UHRF1: variants seen among roughly 807,000 people sequenced by gnomAD.
UHRF1 encodes the protein E3 ubiquitin-protein ligase UHRF1.
A neutral mutation model predicts 96.5 loss-of-function variants in UHRF1; 9 were observed. That is an observed-to-expected ratio of 0.09 (90% confidence interval 0.06 to 0.16). The LOEUF (loss-of-function observed/expected upper bound fraction) is 0.16, where lower values mean the gene tolerates loss of function less well. Ranked by LOEUF, UHRF1 falls within the 10% of genes least tolerant of loss-of-function variation. The pLI, the probability that UHRF1 is intolerant of heterozygous loss-of-function variation, is 1.00. For synonymous variants in UHRF1, 455 were observed against 469.9 expected, an observed-to-expected ratio of 0.97 and a Z score of 0.41; for missense variants, 626 against 1,131.1, an observed-to-expected ratio of 0.55 and a Z score of 6.40.
At chr19:4,929,145 T>C in intron 2 of UHRF1, 77 bp from the exon 3 acceptor site, 1 of 1,541,656 alleles carries the variant, frequency 6.5e-7, no homozygotes. Context: ...ACACAGTGTT[T>C]GGTTCATCAC....
intron 16 of UHRF1, among the ~76,000 whole-genome samples, chr19:4,957,918 G>T (rs531468104): frequency 6.6e-6 from 1 of 152,330 alleles, no homozygotes; most frequent in South Asian, 2.1e-4. Context: ...CGGTGGACAG[G>T]TGTGGAAGGG....
intron 2 of UHRF1, among the ~76,000 whole-genome samples, chr19:4,917,111 G>GTTGTTTTTTTTTTTT (rs1568408733): frequency 1.3e-5 from 1 of 77,190 alleles, no homozygotes; most frequent in Non-Finnish European, 2.3e-5. Flanking sequence ...TTAAGTTTTC[G>GTTGTTTTTTTTTTTT]TTTTTTTTTT....
In UHRF1 at chr19:4,941,921, G is replaced by A. The variant is rs947226717; in HGVS notation, c.1063G>A (p.Glu355Lys). The A allele has an allele frequency of 4.0e-6, 6 of 1,515,190 alleles. No homozygotes were observed. The highest frequency in any genetic ancestry group is 5.3e-6 in the Non-Finnish European group (6 of 1,131,108). The allele number at this position is 1,515,190 out of a possible 1,614,324, so 93.9% of individuals were successfully genotyped here. The part of the protein sequence containing the change: ...LDPPLSSVPS[E>K]DEWYCPECRN... ...CCCGCCCCTCAGCAGTGTTCCCAGCGAGGACGAGTGGTGAGTGCGGCCCTG... is the reference window on the plus strand; with the variant it reads ...CCCGCCCCTCAGCAGTGTTCCCAGCAAGGACGAGTGGTGAGTGCGGCCCTG... Residue 355 changes from glutamate to lysine, a missense_variant, in exon 7 of 17, where the codon GAG (glutamate) becomes AAG (lysine). This residue lies in a region of UHRF1 where 69 missense variants were observed against 159.8 expected (regional missense o/e 0.43). Coordinates refer to ENST00000650932, the MANE Select transcript of UHRF1 (RefSeq NM_001048201.3).
chr19:4,910,008 G>T (rs1440562647), intron 1 of UHRF1: 1 of 181,884 alleles, frequency 5.5e-6, no homozygotes, highest in African/African-American at 2.4e-5. Context: ...AGTTCCCCGG[G>T]AGCATCTGGG....
At chr19:4,935,453 T>C (rs1454688271) in intron 5 of UHRF1, among the ~76,000 whole-genome samples, 1 of 152,176 alleles carries the variant, frequency 6.6e-6, no homozygotes, top group African/African-American at 2.4e-5. Context: ...ATGTCTTTAT[T>C]AGCAACATGA....
intron 1 of UHRF1, 81 bp from the exon 2 acceptor site, chr19:4,910,795 G>T: frequency 6.8e-7 from 1 of 1,469,634 alleles, no homozygotes; most frequent in Non-Finnish European, 9.1e-7. Context: ...CCGGACAAAA[G>T]CAACCCCGAC....
exon 1 of UHRF1, chr19:4,903,186 C>T (rs2031983632): frequency 4.1e-6 from 1 of 241,374 alleles, no homozygotes; most frequent in African/African-American, 2.3e-5. Flanking sequence ...GCCAGCATGC[C>T]CAGCTAATTT....
At chr19:4,940,251 C>T (rs1053869220) in intron 5 of UHRF1, among the ~76,000 whole-genome samples, 3 of 151,168 alleles carry the variant, frequency 2.0e-5, no homozygotes, top group African/African-American at 4.9e-5. Flanking sequence ...CTGTTTCCCT[C>T]GGACGTTGCT....
At chr19:4,913,856 A>C (rs1454295933) in intron 2 of UHRF1, among the ~76,000 whole-genome samples, 1 of 132,024 alleles carries the variant, frequency 7.6e-6, no homozygotes, top group Non-Finnish European at 1.5e-5. Context: ...TTATTGCCCA[A>C]GGTGGAGTGC....
chr19:4,909,912 G>T (rs975072235), intron 1 of UHRF1, among the ~76,000 whole-genome samples: 1 of 151,344 alleles, frequency 6.6e-6, no homozygotes, highest in Non-Finnish European at 1.5e-5. Context: ...CTGGCGAGCC[G>T]CCGGGGAGGA....
chr19:4,946,998 TTC>T (rs2145191376), intron 10 of UHRF1, 105 bp from the exon 11 acceptor site: 1 of 846,448 alleles, frequency 1.2e-6, no homozygotes, highest in East Asian at 2.5e-5. Flanking sequence ...GCTTGTTATT[TTC>T]TGTTTCTTTG....
At chr19:4,905,461 AT>A (rs564794778), upstream of UHRF1, among the ~76,000 whole-genome samples, 4,263 of 145,550 alleles carry the variant, frequency 0.029, 190 homozygotes, top group African/African-American at 0.1. Flanking sequence ...TTTTTTTGCA[AT>A]TTTTTTTTTA....
intron 5 of UHRF1, among the ~76,000 whole-genome samples, chr19:4,935,826 G>A (rs2033199366): frequency 6.6e-6 from 1 of 152,160 alleles, no homozygotes; most frequent in Non-Finnish European, 1.5e-5. Flanking sequence ...GTTGCCAGGA[G>A]GTGGGGGTTG....
At chr19:4,948,941 G>A (rs1472235333) in intron 11 of UHRF1, among the ~76,000 whole-genome samples, 2 of 139,928 alleles carry the variant, frequency 1.4e-5, no homozygotes, top group East Asian at 4.1e-4. Flanking sequence ...GGCTAACATG[G>A]TGAAACCCCA....
At chr19:4,960,388 A>G (rs7343109) in intron 16 of UHRF1, among the ~76,000 whole-genome samples, 3,694 of 152,192 alleles carry the variant, frequency 0.024, 145 homozygotes, top group African/African-American at 0.082. Context: ...AGGTGACTTG[A>G]GCTGAGCTGT....
intron 2 of UHRF1, among the ~76,000 whole-genome samples, chr19:4,913,553 C>T (rs1269342368): frequency 6.6e-6 from 1 of 152,030 alleles, no homozygotes; most frequent in African/African-American, 2.4e-5. Context: ...CTGCACCCAG[C>T]CACGTACATT....
At chr19:4,908,108 C>A (rs1440458358), upstream of UHRF1, among the ~76,000 whole-genome samples, 2 of 152,198 alleles carry the variant, frequency 1.3e-5, no homozygotes, top group African/African-American at 4.8e-5. Flanking sequence ...CTTTTAAGGA[C>A]ATTGTGCCCA....
intron 11 of UHRF1, 26 bp from the exon 12 acceptor site, chr19:4,950,585 G>A: frequency 6.2e-7 from 1 of 1,605,792 alleles, no homozygotes; most frequent in Non-Finnish European, 8.5e-7. Flanking sequence ...CACCTATAAT[G>A]CGTGGGGTCC....
At position 4,930,919 on chromosome 19, in the gene UHRF1, T is replaced by A. The variant is rs1754241993; in HGVS notation, c.569+43T>A. 1 of 1,608,616 alleles carries A rather than the reference T, an allele frequency of 6.2e-7. No individual in the cohort carries two copies. The highest frequency in any genetic ancestry group is 8.5e-7 in the Non-Finnish European group (1 of 1,176,470). On this transcript the variant is annotated intron_variant, in intron 4 of 16. Transcript: ENST00000650932. This position sits in a 1 kb window ranked among gnomAD's most constrained non-coding sequence, Gnocchi z 4.4. ...GGCGGGCCTGGGTATTCAGGCTCTG[T>A]GACGCGCATCCTTGGCTGCGGGTGT...
Sources: gnomAD v4.1 joint callset for allele counts (sites outside exome capture counted in the v4.1 genomes callset) on GRCh38, gnomAD v4.1.1 for gene constraint, gnomAD v4.1.1 regional missense constraint, Gnocchi (gnomAD v3.1) non-coding constraint, MANE v1.5 for transcripts, NCBI Gene and HGNC (gene_info 2026-07-23, HGNC 2026-07-21) for gene names.